BEND3: variants seen among roughly 807,000 people sequenced by gnomAD.
BEND3 encodes BEN domain-containing protein 3.
In BEND3, 13 loss-of-function variants were observed where a neutral mutation model predicts 60.1. The ratio of observed to expected loss-of-function variants is 0.22; its 90% CI spans 0.14 to 0.34. BEND3 has a LOEUF of 0.34. Ranked by LOEUF, BEND3 falls within the 10% of genes least tolerant of loss-of-function variation. The probability of loss-of-function intolerance (pLI) is 1.00; values close to 1 mark genes in which losing one functional copy is unlikely to be tolerated. For synonymous variants in BEND3, 497 were observed against 491.5 expected (o/e 1.01, Z -0.15); for missense variants, 896 against 1,138.1 (o/e 0.79, Z 3.06).
intron 1 of BEND3, chr6:107,113,974 G>A (rs1462822479): frequency 6.6e-6 from 1 of 152,216 alleles, no homozygotes; most frequent in Non-Finnish European, 1.5e-5. Context: ...GTTACTTTAA[G>A]GAGATGAACT....
chr6:107,080,503 A>G (rs1775210340), intron 3 of BEND3, among the ~76,000 whole-genome samples: 1 of 152,190 alleles, frequency 6.6e-6, no homozygotes, highest in African/African-American at 2.4e-5. Flanking sequence ...AGAGGATAAG[A>G]GAATATTCAC....
chr6:107,081,915 C>T (rs6904836), intron 3 of BEND3, among the ~76,000 whole-genome samples: 13,084 of 152,200 alleles, frequency 0.086, 700 homozygotes, highest in Middle Eastern at 0.2. Context: ...ATCATTTGTG[C>T]AGCAAGGCAA....
chr6:107,104,335 G>A (rs1410433989), intron 1 of BEND3, among the ~76,000 whole-genome samples: 1 of 151,172 alleles, frequency 6.6e-6, no homozygotes, highest in Non-Finnish European at 1.5e-5. Flanking sequence ...AAAGAGATAG[G>A]CTGGAAAGAG....
In BEND3 at chr6:107,098,749, T is replaced by TAG; in HGVS notation, c.40_41dup (p.Lys15Ter). 1.2e-6 allele frequency: 2 copies of TAG among 1,613,776 alleles called. No individual in the cohort carries two copies. The highest frequency in any genetic ancestry group is 1.7e-6 in the Non-Finnish European group (2 of 1,179,824). ...TCTCCACTTTCACAGTGATACTTTT[T>TAG]AGAACTGTGTCAGAGAAGAAATAGG... On this transcript the variant is annotated frameshift_variant, in exon 3 of 4. Transcript: ENST00000369042. LOFTEE classifies it high-confidence loss of function.
rs782406426 is a variant in BEND3 at position 107,069,768 on chromosome 6, G to C, written c.1423C>G (p.Arg475Gly). Residue 475 changes from arginine (R) to glycine (G), a missense_variant, in exon 4 of 4, where the codon CGC becomes GGC. Physicochemically the swap from Arg to Gly is moderately radical, Grantham distance 125. This residue lies in a region of BEND3 where 846 missense variants were observed against 1,036.7 expected (regional missense o/e 0.82). Coordinates refer to ENST00000369042, the MANE Select transcript of BEND3 (RefSeq NM_001367314.1). The part of the protein sequence containing the change: ...EEAWLQQCAQ[R>G]INDELEGLGL... ...AGGCCCTCGAGCTCGTCGTTGATGC[G>C]CTGGGCACACTGCTGCAGCCAGGCC... is the stretch of plus-strand genomic sequence containing the variant. 2.5e-6 allele frequency: 4 copies of C among 1,612,628 alleles called. No homozygotes were observed.
chr6:107,102,009 C>T lies in BEND3; in HGVS notation c.-11-2713G>A, dbSNP rs180989629. Among the ~76,000 whole-genome samples the T allele has an allele frequency of 3.8e-3, 580 of 152,138 alleles. 19 individuals are homozygous for T. The highest frequency in any genetic ancestry group is 0.035 in the Admixed American group (528 of 15,242). On this transcript the variant is annotated intron_variant, in intron 1 of 3. Transcript: ENST00000369042. Reference sequence around the variant, plus strand: ...GAAAAGGCAGAGAGGGAGGAGACAGCGGTTGGTTTATTTGGGGAGGAAAAG... The same window carrying T: ...GAAAAGGCAGAGAGGGAGGAGACAGTGGTTGGTTTATTTGGGGAGGAAAAG...
intron 3 of BEND3, among the ~76,000 whole-genome samples, chr6:107,090,902 T>C (rs1048488162): frequency 4.6e-5 from 7 of 152,032 alleles, no homozygotes; most frequent in South Asian, 2.1e-4. Context: ...CTGAGGTCAG[T>C]AGCTCGAGAT....
intron 1 of BEND3, among the ~76,000 whole-genome samples, chr6:107,102,132 C>A (rs1264780500): frequency 6.6e-6 from 1 of 151,968 alleles, no homozygotes; most frequent in African/African-American, 2.4e-5. Flanking sequence ...AAACAGGCGT[C>A]GATGAGAGAA....
intron 1 of BEND3, among the ~76,000 whole-genome samples, chr6:107,111,708 G>A (rs62427980): frequency 0.27 from 40,510 of 151,900 alleles, 5,880 homozygotes; most frequent in Non-Finnish European, 0.32. Flanking sequence ...CAGGCCAGGC[G>A]CGATGGCTTA....
intron 2 of BEND3, among the ~76,000 whole-genome samples, chr6:107,098,994 T>C (rs1775648298): frequency 6.6e-6 from 1 of 152,150 alleles, no homozygotes. Context: ...ACATCTTTTT[T>C]TGGGGGGGAA....
intron 1 of BEND3, among the ~76,000 whole-genome samples, chr6:107,104,023 A>G (rs781199): frequency 0.83 from 125,293 of 150,972 alleles, 52,259 homozygotes; most frequent in African/African-American, 0.91. Flanking sequence ...CGGGCGTGGT[A>G]GCTCACACCT....
chr6:107,112,959 C>T (rs1171896884), intron 1 of BEND3, among the ~76,000 whole-genome samples: 1 of 151,378 alleles, frequency 6.6e-6, no homozygotes, highest in Non-Finnish European at 1.5e-5. Flanking sequence ...GAGATTGAGA[C>T]CATCCTGGCT....
At chr6:107,089,187 T>G (rs1253227201) in intron 3 of BEND3, among the ~76,000 whole-genome samples, 4 of 151,818 alleles carry the variant, frequency 2.6e-5, no homozygotes, top group African/African-American at 9.7e-5. Context: ...TTTAAAACAT[T>G]CATGTGAGAA....
intron 3 of BEND3, among the ~76,000 whole-genome samples, chr6:107,097,058 G>C (rs1448581929): frequency 3.3e-5 from 5 of 152,058 alleles, no homozygotes; most frequent in African/African-American, 1.2e-4. Context: ...TATAGTATGT[G>C]AATTATATCT....
chr6:107,087,753 C>CAAACAAA (rs1775384368), intron 3 of BEND3, among the ~76,000 whole-genome samples: 1 of 9,560 alleles, frequency 1.0e-4, no homozygotes. Context: ...AACAAACAAA[C>CAAACAAA]AAAAAAACAG....
Position 107,070,910 on chromosome 6 carries a change from G to A in BEND3, c.281C>T (p.Pro94Leu), listed in dbSNP as rs1774966036. Residue 94 changes from proline (P) to leucine (L), a missense_variant, in exon 4 of 4, where the codon CCC becomes CTC. Coordinates refer to ENST00000369042, the MANE Select transcript of BEND3 (RefSeq NM_001367314.1). The surrounding 1 kb of genome is among the most constrained non-coding windows in gnomAD (Gnocchi z 6.9). ...AGMRNRENSS[P>L]CQGNGEQAGR... The stretch of plus-strand genomic sequence containing the variant: ...GGCCTGCTCACCATTGCCTTGGCAG[G>A]GCGAGCTGTTCTCACGGTTCCGCAT... 1 of 1,613,668 alleles carries A rather than the reference G, an allele frequency of 6.2e-7. No individual in the cohort carries two copies. Among genetic ancestry groups the A allele is most frequent in the Non-Finnish European group, 8.5e-7 (1 of 1,179,900 alleles).
chr6:107,093,862 C>A (rs1276194958), intron 3 of BEND3, among the ~76,000 whole-genome samples: 1 of 152,098 alleles, frequency 6.6e-6, no homozygotes, highest in Non-Finnish European at 1.5e-5. Flanking sequence ...ATACCAAAGC[C>A]ACAGTCTATG....
intron 3 of BEND3, among the ~76,000 whole-genome samples, chr6:107,088,075 A>G (rs1249804050): frequency 1.3e-5 from 2 of 149,198 alleles, no homozygotes; most frequent in Non-Finnish European, 3.0e-5. Flanking sequence ...CAGTGGTGCA[A>G]TCTTGGCTCA....
chr6:107,074,776 G>C (rs781916218), intron 3 of BEND3, among the ~76,000 whole-genome samples: 3 of 152,130 alleles, frequency 2.0e-5, no homozygotes, highest in Non-Finnish European at 2.9e-5. Flanking sequence ...CAAATTGTGG[G>C]ATAGTAGATG....
Sources: allele counts gnomAD v4.1 joint callset (sites outside exome capture counted in the v4.1 genomes callset), GRCh38; gene constraint gnomAD v4.1.1; regional missense constraint gnomAD v4.1.1; non-coding constraint Gnocchi (gnomAD v3.1); transcripts MANE v1.5; gene names NCBI Gene and HGNC (gene_info 2026-07-23, HGNC 2026-07-21).